CDH4: variants seen among roughly 807,000 people sequenced by gnomAD.
CDH4 encodes the protein cadherin-4.
In CDH4, 33 loss-of-function variants were observed where a neutral mutation model predicts 86.0. The ratio of observed to expected loss-of-function variants is 0.38; its 90% CI spans 0.29 to 0.51. CDH4 has a LOEUF of 0.51. Ranked by LOEUF, CDH4 falls within the 20% of genes least tolerant of loss-of-function variation. The pLI, the probability that CDH4 is intolerant of heterozygous loss-of-function variation, is 0.86. For missense variants in CDH4, 1,114 were observed against 1,307.4 expected (o/e 0.85, Z 2.28); for synonymous variants, 555 against 549.4 (o/e 1.01, Z -0.14).
At chr20:61,463,110 C>G (rs1243993125) in intron 2 of CDH4, among the ~76,000 whole-genome samples, 1 of 152,202 alleles carries the variant, frequency 6.6e-6, no homozygotes, top group Non-Finnish European at 1.5e-5. Flanking sequence ...CACAAACTCT[C>G]TCTTGCCTGC....
At chr20:61,566,782 G>C (rs59621050) in intron 2 of CDH4, among the ~76,000 whole-genome samples, 8,536 of 152,238 alleles carry the variant, frequency 0.056, 707 homozygotes, top group African/African-American at 0.18. Flanking sequence ...CCGGGAGAAA[G>C]GGTCACCGAG....
In CDH4 at chr20:61,406,291, CGGACCAGCATCTGCTCTGCCT is replaced by C. The variant is rs1568832665; in HGVS notation, c.169+151361_169+151381del. Among the ~76,000 whole-genome samples, 281 of 146,940 alleles carry C rather than the reference CGGACCAGCATCTGCTCTGCCT, an allele frequency of 1.9e-3. 5 individuals are homozygous for C. Among genetic ancestry groups the C allele is most frequent in the South Asian group, 3.3e-3 (15 of 4,566 alleles). On this transcript the variant is annotated intron_variant, in intron 2 of 15. Coordinates refer to ENST00000614565, the MANE Select transcript of CDH4 (RefSeq NM_001794.5). Reference sequence around the variant, plus strand: ...TACCCGGACCACCATCTGCTCTGCCCGGACCAGCATCTGCTCTGCCTGGACCACCATCTGCTCTGCCCGGAC... The same window carrying C: ...TACCCGGACCACCATCTGCTCTGCCCGGACCACCATCTGCTCTGCCCGGAC...
chr20:61,819,905 C>T (rs78949262), intron 4 of CDH4, among the ~76,000 whole-genome samples: 3,627 of 152,298 alleles, frequency 0.024, 108 homozygotes, highest in East Asian at 0.092. Flanking sequence ...CAAGGAGACA[C>T]AGGGTGCGGG....
intron 2 of CDH4, among the ~76,000 whole-genome samples, chr20:61,571,319 G>A (rs1041053481): frequency 6.6e-6 from 1 of 152,180 alleles, no homozygotes; most frequent in Non-Finnish European, 1.5e-5. Context: ...CAGGTGCGTG[G>A]CTGATGTTGG....
In CDH4 at chr20:61,658,307, G is replaced by C. The variant is rs151138133; in HGVS notation, c.170-85256G>C. ...CCGAGCTCCGGATCTCTGTATTAGA[G>C]AGGGATCCAACATGTCTGCAACCCC... On this transcript the variant is annotated intron_variant, in intron 2 of 15. Transcript: ENST00000614565. 4.6e-5 allele frequency among the ~76,000 whole-genome samples: 7 copies of C among 151,998 alleles called. No individual in the cohort carries two copies. In the East Asian group the frequency reaches 1.4e-3, roughly 29 times the overall value.
intron 2 of CDH4, among the ~76,000 whole-genome samples, chr20:61,453,533 G>A (rs993336551): frequency 3.9e-5 from 6 of 152,144 alleles, no homozygotes; most frequent in African/African-American, 1.4e-4. Flanking sequence ...TTCAGTGTGT[G>A]GAAAAGGCTC....
intron 14 of CDH4, 39 bp downstream of exon 14, chr20:61,933,163 C>A (rs374369352): frequency 6.2e-7 from 1 of 1,601,548 alleles, no homozygotes; most frequent in South Asian, 1.1e-5. Context: ...CACGCGAGGC[C>A]GGCTCTCACG....
chr20:61,450,614 A>G (rs1422981703), intron 2 of CDH4, among the ~76,000 whole-genome samples: 1 of 151,952 alleles, frequency 6.6e-6, no homozygotes, highest in African/African-American at 2.4e-5. Context: ...ATCTATGTCT[A>G]TTCCTATTAA....
intron 2 of CDH4, among the ~76,000 whole-genome samples, chr20:61,692,533 AC>A (rs1299900490): frequency 6.6e-6 from 1 of 152,216 alleles, no homozygotes; most frequent in Non-Finnish European, 1.5e-5. Flanking sequence ...CTCTTAAATC[AC>A]GTGAATTTGC....
At chr20:61,828,975 G>A (rs894269542) in intron 4 of CDH4, among the ~76,000 whole-genome samples, 3 of 152,282 alleles carry the variant, frequency 2.0e-5, no homozygotes, top group African/African-American at 4.8e-5. Flanking sequence ...ATCCACATGC[G>A]CAGGTCACAA....
intron 2 of CDH4, among the ~76,000 whole-genome samples, chr20:61,435,199 C>G (rs749721319): frequency 6.6e-6 from 1 of 152,238 alleles, no homozygotes; most frequent in Non-Finnish European, 1.5e-5. Context: ...GTAACAGGGA[C>G]TGACTGCGCC....
At chr20:61,769,706 G>T (rs1427948650) in intron 3 of CDH4, among the ~76,000 whole-genome samples, 1 of 152,174 alleles carries the variant, frequency 6.6e-6, no homozygotes, top group Non-Finnish European at 1.5e-5. Flanking sequence ...TGAGAGGGAG[G>T]ACTTATGGGG....
intron 13 of CDH4, among the ~76,000 whole-genome samples, chr20:61,931,041 G>C (rs887740750): frequency 2.0e-5 from 3 of 152,366 alleles, no homozygotes; most frequent in Admixed American, 6.5e-5. Flanking sequence ...TCCGCCTGCT[G>C]CCCGGCTTCT....
At chr20:61,306,953 G>T (rs543912206) in intron 2 of CDH4, among the ~76,000 whole-genome samples, 1 of 152,278 alleles carries the variant, frequency 6.6e-6, no homozygotes, top group East Asian at 1.9e-4. Flanking sequence ...TTCCTCCTTG[G>T]TGTGGCTATG....
chr20:61,534,665 C>CTTTTTTTTTGTTTTTTTTTTTGTTTT (rs2085982015), intron 2 of CDH4, among the ~76,000 whole-genome samples: 1 of 76,066 alleles, frequency 1.3e-5, no homozygotes, highest in African/African-American at 1.1e-4. Context: ...TTCTTTCTTT[C>CTTTTTTTTTGTTTTTTTTTTTGTTTT]TTTTTTTTTT....
intron 2 of CDH4, among the ~76,000 whole-genome samples, chr20:61,371,460 C>T (rs986469835): frequency 5.9e-5 from 9 of 152,248 alleles, no homozygotes; most frequent in Non-Finnish European, 1.0e-4. Flanking sequence ...TGTTTTCACC[C>T]TGCCAGCTCT....
At chr20:61,312,673 G>A (rs1284456065) in intron 2 of CDH4, among the ~76,000 whole-genome samples, 2 of 152,246 alleles carry the variant, frequency 1.3e-5, no homozygotes, top group African/African-American at 4.8e-5. Flanking sequence ...CTTGGCCAGC[G>A]TTCTCCTTCC....
intron 2 of CDH4, among the ~76,000 whole-genome samples, chr20:61,487,852 G>C (rs780553413): frequency 6.6e-6 from 1 of 152,218 alleles, no homozygotes; most frequent in Non-Finnish European, 1.5e-5. Context: ...AGTCTTGTCC[G>C]TGGAAACAGT....
At chr20:61,839,027 C>G (rs1011254156) in intron 4 of CDH4, among the ~76,000 whole-genome samples, 22 of 152,180 alleles carry the variant, frequency 1.4e-4, no homozygotes, top group African/African-American at 4.8e-4. Flanking sequence ...CTCAGAACTC[C>G]CAACAGGCTG....
Sources: allele counts gnomAD v4.1 joint callset (sites outside exome capture counted in the v4.1 genomes callset), GRCh38; gene constraint gnomAD v4.1.1; transcripts MANE v1.5; gene names NCBI Gene and HGNC (gene_info 2026-07-23, HGNC 2026-07-21).